NLRC5: variants seen among roughly 807,000 people sequenced by gnomAD.
The protein encoded by NLRC5 is NLR family CARD domain containing 5.
NLRC5 carries 114 observed loss-of-function variants against 206.9 expected under a neutral mutation model. The observed-to-expected ratio is 0.55, with a 90% CI of 0.47 to 0.64. NLRC5 has a LOEUF of 0.64. Ranked by LOEUF, NLRC5 falls within the 30% of genes least tolerant of loss-of-function variation. The probability of loss-of-function intolerance (pLI) is 0.00; values close to 1 mark genes in which losing one functional copy is unlikely to be tolerated. For missense variants in NLRC5, 2,008 were observed against 2,305.5 expected, an observed-to-expected ratio of 0.87 and a Z score of 2.64; for synonymous variants, 952 against 962.8, an observed-to-expected ratio of 0.99 and a Z score of 0.21.
intron 8 of NLRC5, among the ~76,000 whole-genome samples, chr16:57,029,005 C>A (rs878980988): frequency 6.6e-6 from 1 of 152,126 alleles, no homozygotes; most frequent in Non-Finnish European, 1.5e-5. Flanking sequence ...TTATATGGCA[C>A]CTTTATGACA....
intron 7 of NLRC5, 32 bp from the exon 8 acceptor site, chr16:57,028,270 G>T (rs758690435): frequency 3.7e-6 from 6 of 1,605,524 alleles, no homozygotes; most frequent in Non-Finnish European, 5.1e-6. Context: ...TCCCCTCCTC[G>T]TTCCTCCCCA....
Position 57,055,113 on chromosome 16 carries a change from T to C in NLRC5, c.3659+19T>C. 3.1e-6 allele frequency: 5 copies of C among 1,613,886 alleles called. No homozygotes were observed. Among genetic ancestry groups the C allele is most frequent in the South Asian group, 1.1e-5 (1 of 91,078 alleles). ...GCTGTGGGTAAGCCCCCTTGAACCA[T>C]GCCTAGGCAGCTAGTTGATGTTGGG... On this transcript the variant is annotated intron_variant, in intron 26 of 48. Transcript: ENST00000688547.
intron 14 of NLRC5, 148 bp from the exon 15 acceptor site, chr16:57,037,047 C>T: frequency 2.8e-6 from 2 of 701,968 alleles, no homozygotes; most frequent in Admixed American, 2.0e-5. Flanking sequence ...TCACACGCAC[C>T]AGAATCCTTT....
chr16:56,993,122 T>TATATATATAC (rs1491542877), intron 1 of NLRC5, among the ~76,000 whole-genome samples: 302 of 91,134 alleles, frequency 3.3e-3, no homozygotes, highest in Admixed American at 9.2e-3. Flanking sequence ...TATATATGTG[T>TATATATATAC]ATATATATAT....
chr16:57,069,570 A>T lies in NLRC5; in HGVS notation c.4500-266A>T, dbSNP rs77411872. Among the ~76,000 whole-genome samples, 274 of 152,392 alleles carry T rather than the reference A, an allele frequency of 1.8e-3. 10 individuals carry two copies. In the East Asian group the frequency reaches 0.041, roughly 23 times the overall value. On this transcript the variant is annotated intron_variant, in intron 36 of 48. Transcript: ENST00000688547. ...AAACAACAGTAACTAGCTAAACTAC[A>T]GTGATACCTAATCCTGGCTTAAGTT...
intron 1 of NLRC5, among the ~76,000 whole-genome samples, chr16:56,993,126 T>TAC (rs1182288317): frequency 8.6e-4 from 103 of 120,068 alleles, no homozygotes; most frequent in Non-Finnish European, 1.5e-3. Context: ...TATGTGTATA[T>TAC]ATATATACAC....
At chr16:56,990,020 A>G (rs1040730455) in intron 1 of NLRC5, among the ~76,000 whole-genome samples, 3 of 152,244 alleles carry the variant, frequency 2.0e-5, no homozygotes, top group Non-Finnish European at 4.4e-5. Flanking sequence ...TACACTGTTC[A>G]TTGTACGCAA....
intron 46 of NLRC5, chr16:57,080,896 C>T (rs1483500804): frequency 3.7e-6 from 2 of 547,396 alleles, no homozygotes; most frequent in Non-Finnish European, 6.5e-6. Flanking sequence ...ATGATTCAAA[C>T]TTGACGGGGA....
intron 29 of NLRC5, 78 bp downstream of exon 29, chr16:57,059,139 G>C: frequency 6.2e-7 from 1 of 1,610,120 alleles, no homozygotes; most frequent in South Asian, 1.1e-5. Flanking sequence ...GAGAAGCAAG[G>C]CACCCACACT....
intron 1 of NLRC5, among the ~76,000 whole-genome samples, chr16:57,010,616 T>A (rs1399478491): frequency 1.3e-5 from 2 of 152,108 alleles, no homozygotes; most frequent in African/African-American, 4.8e-5. Flanking sequence ...CAAGCTATCC[T>A]CCCACCTCGG....
intron 1 of NLRC5, among the ~76,000 whole-genome samples, chr16:57,003,091 G>A (rs1042274339): frequency 4.0e-5 from 6 of 150,788 alleles, no homozygotes; most frequent in African/African-American, 9.8e-5. Flanking sequence ...ATGAAGTCTC[G>A]CTCTGTCGCC....
chr16:57,015,752 A>G (rs1312500166), intron 1 of NLRC5, among the ~76,000 whole-genome samples: 6 of 151,510 alleles, frequency 4.0e-5, no homozygotes, highest in African/African-American at 1.5e-4. Context: ...ACATGGAGAA[A>G]CCCCTTCTCT....
intron 2 of NLRC5, among the ~76,000 whole-genome samples, chr16:57,019,212 A>G (rs1473631806): frequency 3.3e-5 from 5 of 152,214 alleles, no homozygotes; most frequent in Admixed American, 2.0e-4. Flanking sequence ...CCTGGCCAAC[A>G]TGGTGAAACC....
chr16:57,001,426 CAGGATGGAAAGCAA>C (rs1212626621), intron 1 of NLRC5, among the ~76,000 whole-genome samples: 1 of 152,160 alleles, frequency 6.6e-6, no homozygotes, highest in African/African-American at 2.4e-5. Context: ...GAGGCAGAAA[CAGGATGGAAAGCAA>C]AGGAATGGCA....
At chr16:57,052,327 G>T (rs1427803946) in intron 24 of NLRC5, among the ~76,000 whole-genome samples, 3 of 152,066 alleles carry the variant, frequency 2.0e-5, no homozygotes, top group African/African-American at 7.2e-5. Context: ...ACAAAAATTA[G>T]CCCGGTGTGG....
At chr16:57,074,810 C>T in intron 39 of NLRC5, 127 bp downstream of exon 39, 1 of 848,858 alleles carries the variant, frequency 1.2e-6, no homozygotes, top group Non-Finnish European at 1.9e-6. Flanking sequence ...CCAGGCCCAT[C>T]CCTGTGCCCT....
chr16:57,011,205 G>A (rs2059453462), intron 1 of NLRC5, among the ~76,000 whole-genome samples: 1 of 152,106 alleles, frequency 6.6e-6, no homozygotes, highest in African/African-American at 2.4e-5. Flanking sequence ...CTGAGGTCAG[G>A]AGTTCGAGAC....
rs374405211 is a variant in NLRC5 at position 57,081,566 on chromosome 16, C to G, written c.5445C>G (p.Leu1815=). The change falls in exon 48 of 49, where the codon CTC becomes CTG. Residue 1815 remains leucine, a synonymous_variant. Transcript: ENST00000688547. ...AGATCACAGCTTTGGGGGCCTGGCTCCTGGCTGAAGGACTGGCCCAGGGGT... is the reference window on the plus strand; with the variant it reads ...AGATCACAGCTTTGGGGGCCTGGCTGCTGGCTGAAGGACTGGCCCAGGGGT... The part of the protein sequence containing the change: ...KNQITALGAW[L]LAEGLAQGSS... The G allele has an allele frequency of 1.2e-6, 2 of 1,613,988 alleles. No individual in the cohort carries two copies. Among genetic ancestry groups the G allele is most frequent in the African/African-American group, 2.7e-5 (2 of 74,914 alleles).
intron 32 of NLRC5, 68 bp downstream of exon 32, chr16:57,061,769 T>G: frequency 6.4e-7 from 1 of 1,569,426 alleles, no homozygotes; most frequent in Non-Finnish European, 8.6e-7. Context: ...GGCACTGGAG[T>G]AAGAGGCCCC....
Sources: allele counts gnomAD v4.1 joint callset (sites outside exome capture counted in the v4.1 genomes callset), GRCh38; gene constraint gnomAD v4.1.1; transcripts MANE v1.5; gene names NCBI Gene and HGNC (gene_info 2026-07-23, HGNC 2026-07-21).